The following ZBTB20 variants were observed in gnomAD, a reference collection of about 807,000 sequenced individuals.
The protein encoded by ZBTB20 is zinc finger and BTB domain-containing protein 20.
In ZBTB20, 9 loss-of-function variants were observed where a neutral mutation model predicts 56.9. The ratio of observed to expected loss-of-function variants is 0.16; its 90% confidence interval spans 0.10 to 0.28. The LOEUF is 0.28. Ranked by LOEUF, ZBTB20 falls within the 10% of genes least tolerant of loss-of-function variation. The pLI is 1.00. For missense variants in ZBTB20, 655 were observed against 1,003.0 expected, an observed-to-expected ratio of 0.65 and a Z score of 4.69; for synonymous variants, 417 against 420.7, an observed-to-expected ratio of 0.99 and a Z score of 0.11.
rs1052373082 is a variant in ZBTB20, at chr3:115,034,055, A to C, written c.-507+37164T>G. ...TTGACAAAATCTGACATCCTTTTAT[A>C]ATAAAAATCCTCAAAAACTAAGAAT... is the stretch of plus-strand genomic sequence containing the variant. On this transcript the variant is annotated intron_variant, in intron 2 of 11. Coordinates refer to ENST00000675478, the MANE Select transcript of ZBTB20 (RefSeq NM_001348800.3). Among the ~76,000 whole-genome samples the C allele has an allele frequency of 5.3e-5, 8 of 151,818 alleles. No homozygotes were observed. In the East Asian group the frequency reaches 1.5e-3, roughly 29 times the overall value.
At chr3:115,017,154 T>C (rs769574031) in intron 2 of ZBTB20, among the ~76,000 whole-genome samples, 1 of 151,682 alleles carries the variant, frequency 6.6e-6, no homozygotes, top group Non-Finnish European at 1.5e-5. Flanking sequence ...GCCCAAAACC[T>C]TCTTAAGCTG....
intron 3 of ZBTB20, among the ~76,000 whole-genome samples, chr3:114,925,782 T>A (rs1214872257): frequency 1.3e-5 from 2 of 152,174 alleles, no homozygotes; most frequent in Non-Finnish European, 2.9e-5. Flanking sequence ...CACCTTGGCC[T>A]CCCAAAGTGC....
chr3:114,939,217 A>G (rs1381391309), intron 3 of ZBTB20, among the ~76,000 whole-genome samples: 2 of 146,428 alleles, frequency 1.4e-5, no homozygotes, highest in East Asian at 3.9e-4. Context: ...AGCAATCTAA[A>G]TACCAAAATA....
intron 1 of ZBTB20, among the ~76,000 whole-genome samples, chr3:115,126,302 C>G (rs2084330634): frequency 6.6e-6 from 1 of 152,086 alleles, no homozygotes; most frequent in African/African-American, 2.4e-5. Context: ...ATTTGACAAT[C>G]TCCTGCAAAG....
intron 5 of ZBTB20, among the ~76,000 whole-genome samples, chr3:114,734,761 A>T (rs939006774): frequency 6.6e-6 from 1 of 152,206 alleles, no homozygotes; most frequent in Admixed American, 6.5e-5. Flanking sequence ...TAATTATTTA[A>T]TCAATAATTC....
chr3:114,899,927 C>T (rs1560377532), intron 4 of ZBTB20, among the ~76,000 whole-genome samples: 1 of 151,986 alleles, frequency 6.6e-6, no homozygotes, highest in Non-Finnish European at 1.5e-5. Context: ...AGAAAATAAA[C>T]TCAAAAGCAG....
chr3:114,700,812 T>C (rs1443313237), intron 5 of ZBTB20, among the ~76,000 whole-genome samples: 1 of 152,192 alleles, frequency 6.6e-6, no homozygotes, highest in Non-Finnish European at 1.5e-5. Flanking sequence ...GCTGCCAAAA[T>C]CATTGTAATT....
intron 2 of ZBTB20, among the ~76,000 whole-genome samples, chr3:115,062,183 G>T (rs148104169): frequency 4.6e-5 from 7 of 152,130 alleles, no homozygotes; most frequent in African/African-American, 1.7e-4. Context: ...ATCAGAAACA[G>T]GGAAGCAGAG....
intron 10 of ZBTB20, among the ~76,000 whole-genome samples, chr3:114,376,870 A>AGGAC (rs1373379612): frequency 2.6e-5 from 4 of 152,204 alleles, no homozygotes; most frequent in African/African-American, 9.7e-5. Context: ...AGAAGTAGGG[A>AGGAC]GGACGGCCAC....
At position 114,329,585 on chromosome 3, in the gene ZBTB20, C is replaced by T. The variant is rs2079169814; in HGVS notation, c.*9420G>A. 2 of 151,854 alleles carry T rather than the reference C, an allele frequency of 1.3e-5. No individual in the cohort carries two copies. The allele number at this position is 151,854 out of a possible 1,614,324, so 9.4% of individuals were successfully genotyped here. ...AAATGGAGATCCTGAGGGCTGGATA[C>T]CCAAGAGCCACCATTTTACGGATTC... On this transcript the variant is annotated 3_prime_UTR_variant, in exon 12 of 12. Coordinates refer to ENST00000675478, the MANE Select transcript of ZBTB20 (RefSeq NM_001348800.3).
intron 6 of ZBTB20, among the ~76,000 whole-genome samples, chr3:114,604,365 C>T (rs1429862114): frequency 6.6e-6 from 1 of 150,842 alleles, no homozygotes; most frequent in African/African-American, 2.4e-5. Flanking sequence ...TGGAAAGTTA[C>T]ACAAAAAAAA....
chr3:114,332,061 T>G lies in ZBTB20; in HGVS notation c.*6944A>C, dbSNP rs1408351812. 3 of 145,212 alleles carry G rather than the reference T, an allele frequency of 2.1e-5. No individual in the cohort carries two copies. The highest frequency in any genetic ancestry group is 4.6e-4 in the South Asian group (2 of 4,374). The allele number at this position is 145,212 out of a possible 1,614,324, so 9.0% of individuals were successfully genotyped here. A position where few individuals can be genotyped will look rare whatever the true frequency, so the allele number is the denominator to read the frequency against. ...AGTAGAAACAGATGCCCCCAAGGTT[T>G]TTTTTTTTTTTTTTTTTTTTTTCTC... On this transcript the variant is annotated 3_prime_UTR_variant, in exon 12 of 12. Transcript: ENST00000675478.
At chr3:114,629,915 G>C (rs1169893382) in intron 6 of ZBTB20, among the ~76,000 whole-genome samples, 2 of 152,142 alleles carry the variant, frequency 1.3e-5, no homozygotes, top group African/African-American at 4.8e-5. Flanking sequence ...CCAGCACTTA[G>C]GGCCGAGGTG....
Position 114,330,161 on chromosome 3 carries a change from T to G in ZBTB20, c.*8844A>C, listed in dbSNP as rs2079199961. 1 of 152,224 alleles carries G rather than the reference T, an allele frequency of 6.6e-6. No homozygotes were observed. Among genetic ancestry groups the G allele is most frequent in the African/African-American group, 2.4e-5 (1 of 41,458 alleles). 9.4% of individuals were successfully genotyped at this position (152,224 alleles called of 1,614,324 possible). A position where few individuals can be genotyped will look rare whatever the true frequency, so the allele number is the denominator to read the frequency against. ...AAAAAGTTTCAAAAAAAGTTTTCACTTTCCTACATTTGCTAAGTCTGAGCT... is the reference window on the plus strand; with the variant it reads ...AAAAAGTTTCAAAAAAAGTTTTCACGTTCCTACATTTGCTAAGTCTGAGCT... On this transcript the variant is annotated 3_prime_UTR_variant, in exon 12 of 12. Coordinates refer to ENST00000675478, the MANE Select transcript of ZBTB20 (RefSeq NM_001348800.3).
At chr3:115,051,184 T>G (rs1353547990) in intron 2 of ZBTB20, among the ~76,000 whole-genome samples, 1 of 152,076 alleles carries the variant, frequency 6.6e-6, no homozygotes. Context: ...AAAGTCCTAC[T>G]ATATTTTGGG....
Position 114,338,934 on chromosome 3 carries a change from C to T in ZBTB20, c.*71G>A. The T allele has an allele frequency of 7.0e-7, 1 of 1,430,536 alleles. No individual in the cohort carries two copies. The highest frequency in any genetic ancestry group is 9.3e-7 in the Non-Finnish European group (1 of 1,077,842). The allele number at this position is 1,430,536 out of a possible 1,614,324, so 88.6% of individuals were successfully genotyped here. On this transcript the variant is annotated 3_prime_UTR_variant, in exon 12 of 12. Coordinates refer to ENST00000675478, the MANE Select transcript of ZBTB20 (RefSeq NM_001348800.3). ...CAAAACATTTCTTAAATTCTAGTGC[C>T]ATAGCTTTTTTGTTTGTTTGTTTTT...
At chr3:114,723,920 C>A (rs1233869465) in intron 5 of ZBTB20, among the ~76,000 whole-genome samples, 1 of 151,896 alleles carries the variant, frequency 6.6e-6, no homozygotes, top group Admixed American at 6.6e-5. Context: ...CCAGGCAGGA[C>A]TGCAGTGGCG....
rs2078900398 is a variant in ZBTB20 at position 114,321,708 on chromosome 3, G to A, written c.*17297C>T. The A allele has an allele frequency of 6.6e-6, 1 of 152,124 alleles. No individual in the cohort carries two copies. The highest frequency in any genetic ancestry group is 1.5e-5 in the Non-Finnish European group (1 of 68,032). The allele number at this position is 152,124 out of a possible 1,614,324, so 9.4% of individuals were successfully genotyped here. ...GAAATGGTATCTGTCAGAAAATACT[G>A]CTTTTGGTTTCTTTTAACTTTGAGC... On this transcript the variant is annotated 3_prime_UTR_variant, in exon 12 of 12. Transcript: ENST00000675478.
intron 4 of ZBTB20, among the ~76,000 whole-genome samples, chr3:114,868,165 T>C (rs905544900): frequency 8.5e-5 from 13 of 152,168 alleles, no homozygotes; most frequent in African/African-American, 3.1e-4. Flanking sequence ...TAAAAGCAAT[T>C]TGTCCAATTC....
Sources: allele counts gnomAD v4.1 joint callset (sites outside exome capture counted in the v4.1 genomes callset), GRCh38; gene constraint gnomAD v4.1.1; transcripts MANE v1.5; gene names NCBI Gene and HGNC (gene_info 2026-07-23, HGNC 2026-07-21).